TMPRSS11F: variants seen among roughly 807,000 people sequenced by gnomAD.
TMPRSS11F encodes the protein transmembrane protease serine 11F.
In TMPRSS11F, 47 loss-of-function variants were observed where a neutral mutation model predicts 60.2. The observed-to-expected ratio is 0.78, with a 90% CI of 0.62 to 1.00. The LOEUF (loss-of-function observed/expected upper bound fraction) is 1.00, where lower values mean the gene tolerates loss of function less well. TMPRSS11F is among the 50% of genes least tolerant of loss of function. TMPRSS11F has a pLI of 0.00. For synonymous variants in TMPRSS11F, 166 were observed against 167.3 expected (o/e 0.99, Z 0.06); for missense variants, 519 against 522.9 (o/e 0.99, Z 0.07).
At chr4:68,075,821 C>T (rs769392171) in intron 3 of TMPRSS11F, among the ~76,000 whole-genome samples, 7 of 151,820 alleles carry the variant, frequency 4.6e-5, no homozygotes, top group Admixed American at 6.5e-5. Context: ...GGTGACACCC[C>T]GTCTCTACTA....
At chr4:68,120,569 T>C (rs1051798792) in intron 1 of TMPRSS11F, among the ~76,000 whole-genome samples, 1 of 151,582 alleles carries the variant, frequency 6.6e-6, no homozygotes, top group South Asian at 2.1e-4. Context: ...TTTGTATTTT[T>C]AGTAGAGACG....
At chr4:68,106,980 T>C (rs1366670280) in intron 1 of TMPRSS11F, among the ~76,000 whole-genome samples, 1 of 152,204 alleles carries the variant, frequency 6.6e-6, no homozygotes, top group East Asian at 1.9e-4. Flanking sequence ...ACTACTCTCA[T>C]GCTATGGTAT....
chr4:68,102,287 G>T (rs1724207449), intron 1 of TMPRSS11F, among the ~76,000 whole-genome samples: 2 of 152,162 alleles, frequency 1.3e-5, no homozygotes, highest in African/African-American at 2.4e-5. Flanking sequence ...ATATGGGAGT[G>T]CAGATATCTT....
intron 1 of TMPRSS11F, among the ~76,000 whole-genome samples, chr4:68,111,276 C>G (rs1397818909): frequency 6.6e-6 from 1 of 152,094 alleles, no homozygotes; most frequent in East Asian, 1.9e-4. Flanking sequence ...CACTGAATCT[C>G]TTAATAAACA....
chr4:68,089,041 GAA>G (rs113412897), intron 3 of TMPRSS11F, among the ~76,000 whole-genome samples: 3 of 141,362 alleles, frequency 2.1e-5, no homozygotes, highest in African/African-American at 7.8e-5. Context: ...TACAGAATTA[GAA>G]AAAAAAAAAC....
intron 1 of TMPRSS11F, among the ~76,000 whole-genome samples, chr4:68,112,871 T>C (rs1238402010): frequency 6.6e-6 from 1 of 152,188 alleles, no homozygotes; most frequent in African/African-American, 2.4e-5. Flanking sequence ...ATAGCATTCT[T>C]CTCTATATCT....
intron 1 of TMPRSS11F, among the ~76,000 whole-genome samples, chr4:68,100,809 G>C (rs1040919988): frequency 3.9e-5 from 6 of 151,988 alleles, no homozygotes; most frequent in Non-Finnish European, 8.8e-5. Flanking sequence ...TAAAGCAACT[G>C]TTAAGGTTAG....
chr4:68,129,049 T>C (rs548469111), intron 1 of TMPRSS11F, among the ~76,000 whole-genome samples: 10 of 152,270 alleles, frequency 6.6e-5, no homozygotes, highest in African/African-American at 2.4e-4. Context: ...TGTGGGAAAT[T>C]TGTGTCTGTA....
intron 1 of TMPRSS11F, among the ~76,000 whole-genome samples, chr4:68,113,759 A>G (rs1174311291): frequency 6.6e-6 from 1 of 152,152 alleles, no homozygotes; most frequent in Non-Finnish European, 1.5e-5. Context: ...AGTATCTATT[A>G]GCAATATTAT....
intron 2 of TMPRSS11F, among the ~76,000 whole-genome samples, chr4:68,097,676 GC>G (rs1366580360): frequency 2.0e-5 from 3 of 151,708 alleles, no homozygotes; most frequent in Non-Finnish European, 4.4e-5. Flanking sequence ...TGGCTAAAAT[GC>G]TTTTTTTGTC....
intron 1 of TMPRSS11F, among the ~76,000 whole-genome samples, chr4:68,114,327 A>C (rs1724469092): frequency 6.6e-6 from 1 of 151,964 alleles, no homozygotes. Context: ...AGATATATAG[A>C]ATTATTTAGA....
chr4:68,057,476 G>A (rs1723070280), intron 9 of TMPRSS11F, among the ~76,000 whole-genome samples: 1 of 151,982 alleles, frequency 6.6e-6, no homozygotes, highest in Non-Finnish European at 1.5e-5. Context: ...CAAAAACTCA[G>A]GCAACAAAAG....
At chr4:68,102,409 A>T (rs1724211925) in intron 1 of TMPRSS11F, among the ~76,000 whole-genome samples, 1 of 152,286 alleles carries the variant, frequency 6.6e-6, no homozygotes, top group East Asian at 1.9e-4. Context: ...GTTTTTAAAA[A>T]TGTCTGTACC....
At chr4:68,079,025 A>G (rs75690859) in intron 3 of TMPRSS11F, among the ~76,000 whole-genome samples, 5,990 of 148,138 alleles carry the variant, frequency 0.04, 480 homozygotes, top group African/African-American at 0.13. Context: ...AACAAACCAT[A>G]GTCCCCCAAT....
intron 8 of TMPRSS11F, among the ~76,000 whole-genome samples, chr4:68,061,277 A>C (rs1270865006): frequency 6.6e-6 from 1 of 152,222 alleles, no homozygotes; most frequent in Non-Finnish European, 1.5e-5. Flanking sequence ...CGTTGCATTT[A>C]TAAAAATCGA....
chr4:68,062,784 G>A (rs556241432), intron 8 of TMPRSS11F: 20 of 745,678 alleles, frequency 2.7e-5, no homozygotes, highest in Non-Finnish European at 3.8e-5. Context: ...CGCCCTCTGC[G>A]GATGGATATC....
intron 1 of TMPRSS11F, among the ~76,000 whole-genome samples, chr4:68,119,914 T>C (rs1485089187): frequency 6.6e-6 from 1 of 152,182 alleles, no homozygotes; most frequent in African/African-American, 2.4e-5. Context: ...TTTACCATTC[T>C]AGATACCACT....
chr4:68,057,765 G>A (rs1723076765), intron 9 of TMPRSS11F, among the ~76,000 whole-genome samples: 1 of 152,140 alleles, frequency 6.6e-6, no homozygotes, highest in Non-Finnish European at 1.5e-5. Context: ...AAAATGCTCA[G>A]TATTACAAAT....
chr4:68,109,369 T>C (rs1046947505), intron 1 of TMPRSS11F, among the ~76,000 whole-genome samples: 6 of 152,106 alleles, frequency 3.9e-5, no homozygotes, highest in African/African-American at 1.4e-4. Context: ...AATTCTCTTA[T>C]TGCCTTGGTG....
Sources: gnomAD v4.1 joint callset for allele counts (sites outside exome capture counted in the v4.1 genomes callset) on GRCh38, gnomAD v4.1.1 for gene constraint, MANE v1.5 for transcripts, NCBI Gene and HGNC (gene_info 2026-07-23, HGNC 2026-07-21) for gene names.